Variants in MALRD1 observed in about 807,000 individuals in gnomAD.
MALRD1 encodes MAM and LDL receptor class A domain containing 1.
In MALRD1, 247 loss-of-function variants were observed where a neutral mutation model predicts 242.1. The observed-to-expected ratio is 1.02, with a 90% CI of 0.92 to 1.13. The LOEUF (loss-of-function observed/expected upper bound fraction) is 1.13, where lower values mean the gene tolerates loss of function less well. Among genes scored for constraint, MALRD1 ranks in the 50% most tolerant of loss-of-function variants. The pLI is 0.00. For synonymous variants in MALRD1, 995 were observed against 866.6 expected, an observed-to-expected ratio of 1.15 and a Z score of -2.60; for missense variants, 2,989 against 2,533.1, an observed-to-expected ratio of 1.18 and a Z score of -3.86.
chr10:19,318,264 C>T (rs576296996), intron 21 of MALRD1, among the ~76,000 whole-genome samples: 3 of 151,946 alleles, frequency 2.0e-5, no homozygotes, highest in African/African-American at 7.2e-5. Flanking sequence ...GACTGGCAAC[C>T]AAATGATATA....
chr10:19,382,609 T>C (rs1010830104), intron 26 of MALRD1, among the ~76,000 whole-genome samples: 4 of 152,146 alleles, frequency 2.6e-5, no homozygotes, highest in Non-Finnish European at 5.9e-5. Flanking sequence ...ACTTGGGATT[T>C]ACACCTGCTG....
At chr10:19,699,425 A>G (rs1202191140) in intron 38 of MALRD1, among the ~76,000 whole-genome samples, 3 of 152,010 alleles carry the variant, frequency 2.0e-5, no homozygotes, top group Admixed American at 6.6e-5. Flanking sequence ...AAACATGGAA[A>G]ATAGAGATAA....
chr10:19,123,489 C>G lies in MALRD1; in HGVS notation c.695-3C>G. 8.1e-7 allele frequency: 1 copy of G among 1,231,106 alleles called. No homozygotes were observed. Among genetic ancestry groups the G allele is most frequent in the Non-Finnish European group, 1.0e-6 (1 of 985,576 alleles). The allele number at this position is 1,231,106 out of a possible 1,614,324, so 76.3% of individuals were successfully genotyped here. A position where few individuals can be genotyped will look rare whatever the true frequency, so the allele number is the denominator to read the frequency against. ...ACTTCTTGCCAATCTTTAAATTTAA[C>G]AGATGGAATTTTACTGTGTCAAGAA... On this transcript the variant is annotated splice_polypyrimidine_tract_variant and splice_region_variant and intron_variant, in intron 5 of 39. Transcript: ENST00000454679.
intron 18 of MALRD1, among the ~76,000 whole-genome samples, chr10:19,257,050 C>A (rs1839544968): frequency 6.6e-6 from 1 of 152,042 alleles, no homozygotes; most frequent in Non-Finnish European, 1.5e-5. Context: ...AGTGGTTCGT[C>A]TATATGTGGT....
chr10:19,586,071 C>T (rs1190244479), intron 33 of MALRD1, among the ~76,000 whole-genome samples: 1 of 152,208 alleles, frequency 6.6e-6, no homozygotes. Context: ...TGGTTTTCAG[C>T]TCCATCAGCT....
intron 36 of MALRD1, among the ~76,000 whole-genome samples, chr10:19,648,474 C>G (rs192901018): frequency 8.3e-4 from 126 of 152,240 alleles, no homozygotes; most frequent in African/African-American, 2.8e-3. Flanking sequence ...CAGATCAGCC[C>G]TATCATAGCT....
At chr10:19,652,613 G>A (rs1415400933) in intron 36 of MALRD1, among the ~76,000 whole-genome samples, 1 of 152,140 alleles carries the variant, frequency 6.6e-6, no homozygotes. Context: ...AAGCAAGGAG[G>A]ATTTGTCCAG....
intron 32 of MALRD1, among the ~76,000 whole-genome samples, chr10:19,564,167 A>G (rs1023183913): frequency 5.3e-5 from 8 of 152,110 alleles, no homozygotes; most frequent in Non-Finnish European, 2.9e-5. Flanking sequence ...TACACCATCT[A>G]TTCTGGAACT....
At chr10:19,617,637 C>G (rs1231182295) in intron 36 of MALRD1, among the ~76,000 whole-genome samples, 1 of 151,838 alleles carries the variant, frequency 6.6e-6, no homozygotes, top group Non-Finnish European at 1.5e-5. Flanking sequence ...AAAAGTAGAA[C>G]TCTTGACACT....
chr10:19,624,981 G>T (rs1310361546), intron 36 of MALRD1, among the ~76,000 whole-genome samples: 1 of 151,722 alleles, frequency 6.6e-6, no homozygotes, highest in African/African-American at 2.4e-5. Flanking sequence ...TGGGAGGATT[G>T]CTTGAGCCCA....
rs1564396494 is a variant in MALRD1, at chr10:19,108,388, T to TGA, written c.694+4313_694+4314insGA. ...TATTGAGCTCATGAATTGTTTTTTC[T>TGA]TTTTTTTTTTTTTTTTTTTTTTTTT... is the stretch of plus-strand genomic sequence containing the variant. On this transcript the variant is annotated intron_variant, in intron 5 of 39. Transcript: ENST00000454679. Among the ~76,000 whole-genome samples, 73 of 7,770 alleles carry TGA rather than the reference T, an allele frequency of 9.4e-3. 4 individuals carry two copies. Among genetic ancestry groups the TGA allele is most frequent in the Middle Eastern group, 0.071 (1 of 14 alleles). 5.1% of individuals were successfully genotyped at this position (7,770 alleles called of 152,430 possible).
At chr10:19,602,636 A>G (rs1838414101) in intron 34 of MALRD1, among the ~76,000 whole-genome samples, 1 of 151,980 alleles carries the variant, frequency 6.6e-6, no homozygotes, top group South Asian at 2.1e-4. Context: ...TGCTATTGTG[A>G]ATAGTGCCAC....
intron 33 of MALRD1, among the ~76,000 whole-genome samples, chr10:19,584,214 C>G (rs1837278046): frequency 6.6e-6 from 1 of 151,930 alleles, no homozygotes; most frequent in South Asian, 2.1e-4. Flanking sequence ...TTTTTTGTGT[C>G]TCTATTTCCT....
chr10:19,257,606 C>A, intron 18 of MALRD1, 78 bp from the exon 19 acceptor site: 1 of 1,109,580 alleles, frequency 9.0e-7, no homozygotes, highest in Non-Finnish European at 1.3e-6. Context: ...TTAAATTCCT[C>A]TTCATCCATT....
intron 28 of MALRD1, among the ~76,000 whole-genome samples, chr10:19,436,037 C>G (rs1009856400): frequency 2.0e-5 from 3 of 152,138 alleles, no homozygotes; most frequent in Non-Finnish European, 4.4e-5. Context: ...CTCTCAGCAC[C>G]TGTATCACCT....
intron 13 of MALRD1, among the ~76,000 whole-genome samples, chr10:19,168,684 C>T (rs942097103): frequency 1.3e-5 from 2 of 152,112 alleles, no homozygotes; most frequent in Non-Finnish European, 2.9e-5. Flanking sequence ...TGTAGATGGG[C>T]AGTGGTTTGG....
At chr10:19,491,933 G>T (rs966627941) in intron 30 of MALRD1, among the ~76,000 whole-genome samples, 1 of 151,274 alleles carries the variant, frequency 6.6e-6, no homozygotes, top group Non-Finnish European at 1.5e-5. Flanking sequence ...TGTGTGTAGG[G>T]TTAGAATTAA....
chr10:19,075,233 A>T (rs866525489), intron 2 of MALRD1, among the ~76,000 whole-genome samples: 7 of 152,188 alleles, frequency 4.6e-5, no homozygotes, highest in Middle Eastern at 3.4e-3. Context: ...AGATGATAAA[A>T]TCTGCCCCCG....
rs1237344175 is a variant in MALRD1 at position 19,410,616 on chromosome 10, G to A, written c.4845+21007G>A. On this transcript the variant is annotated intron_variant, in intron 28 of 39. Coordinates refer to ENST00000454679, the MANE Select transcript of MALRD1 (RefSeq NM_001142308.3). ...AAAGTAGAGGTAGACAGAAGCTAGT[G>A]AACAACTTCCTTCCTCCCTCCCTCC... 2.7e-5 allele frequency among the ~76,000 whole-genome samples: 4 copies of A among 150,838 alleles called. No homozygotes were observed. The East Asian group carries it at 7.8e-4, about 29-fold the overall frequency.
Sources: gnomAD v4.1 joint callset for allele counts (sites outside exome capture counted in the v4.1 genomes callset) on GRCh38, gnomAD v4.1.1 for gene constraint, MANE v1.5 for transcripts, NCBI Gene and HGNC (gene_info 2026-07-23, HGNC 2026-07-21) for gene names.